Variants in SLCO1B1 observed in about 807,000 individuals in gnomAD.
SLCO1B1 encodes the protein solute carrier organic anion transporter family member 1B1, also known as OATP-2.
A neutral mutation model predicts 70.1 loss-of-function variants in SLCO1B1; 81 were observed. The observed-to-expected ratio is 1.16, with a 90% confidence interval of 0.97 to 1.39. SLCO1B1 has a LOEUF of 1.39. Ranked by LOEUF, SLCO1B1 falls within the 40% of genes most tolerant of loss-of-function variation. The probability of loss-of-function intolerance (pLI) is 0.00; values close to 1 mark genes in which losing one functional copy is unlikely to be tolerated. For missense variants in SLCO1B1, 895 were observed against 799.6 expected (o/e 1.12, Z -1.44); for synonymous variants, 283 against 271.5 (o/e 1.04, Z -0.42).
At chr12:21,218,040 T>TG (rs1338353336) in intron 12 of SLCO1B1, among the ~76,000 whole-genome samples, 1 of 151,994 alleles carries the variant, frequency 6.6e-6, no homozygotes, top group Non-Finnish European at 1.5e-5. Context: ...AGGATTGAGG[T>TG]GGGGGGCTGT....
intron 10 of SLCO1B1, among the ~76,000 whole-genome samples, chr12:21,204,355 A>G (rs774134105): frequency 6.6e-6 from 1 of 151,990 alleles, no homozygotes; most frequent in Non-Finnish European, 1.5e-5. Context: ...CTGACTGCTA[A>G]AATATGTGTG....
chr12:21,154,929 CT>C (rs1940520756), intron 2 of SLCO1B1, among the ~76,000 whole-genome samples: 8 of 151,894 alleles, frequency 5.3e-5, no homozygotes. Flanking sequence ...ATTTCTTTGT[CT>C]TTTGTGTACC....
chr12:21,180,890 T>C (rs1279340397), intron 7 of SLCO1B1, among the ~76,000 whole-genome samples: 7 of 152,212 alleles, frequency 4.6e-5, no homozygotes, highest in Non-Finnish European at 8.8e-5. Flanking sequence ...TTCATCACCA[T>C]ACAATTTCTA....
intron 4 of SLCO1B1, among the ~76,000 whole-genome samples, chr12:21,176,058 G>A (rs868692936): frequency 7.2e-5 from 11 of 151,764 alleles, no homozygotes; most frequent in Non-Finnish European, 1.0e-4. Flanking sequence ...ATCTATTCCC[G>A]CAACCTCCAA....
rs764617730 is a variant in SLCO1B1, at chr12:21,238,999, C to G, written c.1886C>G (p.Ser629Cys). ...TSFSRVYLGL[S>C]SMLRVSSLVL... ...TACAGAAGGGTCTACTTGGGCTTGT[C>G]TTCAATGTTAAGAGTCTCATCACTT... The change falls in exon 15 of 15, where the codon TCT becomes TGT. Residue 629 changes from serine to cysteine, a missense_variant. Coordinates refer to ENST00000256958, the MANE Select transcript of SLCO1B1 (RefSeq NM_006446.5). The G allele has an allele frequency of 6.3e-7, 1 of 1,577,130 alleles. No homozygotes were observed.
chr12:21,220,815 TAA>T (rs35163063), intron 12 of SLCO1B1, among the ~76,000 whole-genome samples: 11 of 121,520 alleles, frequency 9.1e-5, no homozygotes, highest in Non-Finnish European at 8.7e-5. Context: ...AAGACTGGTC[TAA>T]AAAAAAAAAA....
intron 2 of SLCO1B1, among the ~76,000 whole-genome samples, chr12:21,156,197 C>T (rs1480101318): frequency 6.6e-6 from 1 of 151,570 alleles, no homozygotes; most frequent in Non-Finnish European, 1.5e-5. Flanking sequence ...TAGAAGCTAC[C>T]CCCTCCCTTT....
chr12:21,153,625 G>A (rs1665057197), intron 2 of SLCO1B1, among the ~76,000 whole-genome samples: 1 of 151,986 alleles, frequency 6.6e-6, no homozygotes, highest in African/African-American at 2.4e-5. Flanking sequence ...GTGTTATTCA[G>A]ATCTTCTATG....
intron 14 of SLCO1B1, among the ~76,000 whole-genome samples, chr12:21,232,732 AG>A (rs796444689): frequency 3.2e-5 from 2 of 62,068 alleles, no homozygotes; most frequent in Admixed American, 2.8e-4. Context: ...AGAGACAGAG[AG>A]ACAGAGAAAG....
chr12:21,141,639 G>T lies in SLCO1B1; in HGVS notation c.65G>T (p.Arg22Ile). 2 of 1,605,372 alleles carry T rather than the reference G, an allele frequency of 1.2e-6. No individual in the cohort carries two copies. The highest frequency in any genetic ancestry group is 1.7e-6 in the Non-Finnish European group (2 of 1,173,286). ...EAQPSENKKTRYCNGLKMFLA... is the reference protein window; with the variant it reads ...EAQPSENKKTIYCNGLKMFLA... ...CAACCTTCAGAGAATAAGAAAACAA[G>T]ATACTGCAATGGATTGAAGGTAGAA... The change falls in exon 2 of 15, where the codon AGA (arginine) becomes ATA (isoleucine). Residue 22 changes from arginine (R) to isoleucine (I), a missense_variant. By Grantham distance (97) the Arg-to-Ile change is moderately conservative. Transcript: ENST00000256958.
At chr12:21,157,521 T>C (rs898293682) in intron 2 of SLCO1B1, among the ~76,000 whole-genome samples, 5 of 151,788 alleles carry the variant, frequency 3.3e-5, no homozygotes, top group African/African-American at 7.3e-5. Context: ...AACCAGAAAA[T>C]CTTCTAAGCA....
intron 1 of SLCO1B1, among the ~76,000 whole-genome samples, chr12:21,136,684 A>G (rs1101249): frequency 0.9 from 137,095 of 152,212 alleles, 62,039 homozygotes; most frequent in South Asian, 0.97. Flanking sequence ...AGCTCCATCA[A>G]GTCCTTTAAG....
At chr12:21,205,264 A>G (rs1941202490) in intron 10 of SLCO1B1, among the ~76,000 whole-genome samples, 1 of 151,980 alleles carries the variant, frequency 6.6e-6, no homozygotes, top group Non-Finnish European at 1.5e-5. Flanking sequence ...ACCATTTCAT[A>G]AAGGAAATCA....
chr12:21,213,921 C>A (rs1188375164), intron 11 of SLCO1B1, among the ~76,000 whole-genome samples: 2 of 149,540 alleles, frequency 1.3e-5, no homozygotes, highest in South Asian at 2.1e-4. Context: ...TCCATCAGCT[C>A]CTTTAAGCAC....
At chr12:21,172,859 T>C in intron 3 of SLCO1B1, 68 bp downstream of exon 3, 1 of 1,423,598 alleles carries the variant, frequency 7.0e-7, no homozygotes, top group Non-Finnish European at 9.7e-7. Flanking sequence ...TTTACACCAC[T>C]GGTTATCAAC....
At position 21,202,657 on chromosome 12, in the gene SLCO1B1, A is replaced by C; in HGVS notation, c.1302A>C (p.Ser434=). The C allele has an allele frequency of 1.9e-6, 3 of 1,612,646 alleles. No individual in the cohort carries two copies. The highest frequency in any genetic ancestry group is 2.5e-6 in the Non-Finnish European group (3 of 1,179,312). ...LYFFILCENK[S]VAGLTMTYDG... is the part of the protein sequence containing the mutation. ...TTTTCATACTCTGTGAAAACAAATC[A>C]GTTGCCGGACTAACCATGACCTATG... Residue 434 remains serine (S), a synonymous_variant, in exon 10 of 15, where the codon TCA becomes TCC. Coordinates refer to ENST00000256958, the MANE Select transcript of SLCO1B1 (RefSeq NM_006446.5).
rs541070865 is a variant in SLCO1B1 at position 21,222,121 on chromosome 12, T to C, written c.1683-179T>C. Among the ~76,000 whole-genome samples, 61 of 151,956 alleles carry C rather than the reference T, an allele frequency of 4.0e-4. 1 individual carries two copies. The South Asian group carries it at 0.011, about 28-fold the overall frequency. On this transcript the variant is annotated intron_variant, in intron 12 of 14. Transcript: ENST00000256958. ...CATTGAATAAATAAGGGAATAATTA[T>C]TATTATTGCTCAAGTGTTTGCCTTT...
In SLCO1B1 at chr12:21,131,542, T is replaced by G. The variant is rs369326281; in HGVS notation, c.-62+306T>G. The stretch of plus-strand genomic sequence containing the variant: ...TCAAGTCTCAAAAATGAAGCTCTAG[T>G]TACCTTCTTAAAATATGCTACAGGA... On this transcript the variant is annotated intron_variant, in intron 1 of 14. Transcript: ENST00000256958. Among the ~76,000 whole-genome samples the G allele has an allele frequency of 8.8e-4, 134 of 152,218 alleles. 3 individuals are homozygous for G. In the South Asian group the frequency reaches 0.027, roughly 31 times the overall value.
At chr12:21,141,035 C>T (rs35685797) in intron 1 of SLCO1B1, among the ~76,000 whole-genome samples, 7,193 of 151,816 alleles carry the variant, frequency 0.047, 193 homozygotes, top group Admixed American at 0.081. Flanking sequence ...CCAGTGGTGT[C>T]TCCTTTATAA....
Sources: gnomAD v4.1 joint callset for allele counts (sites outside exome capture counted in the v4.1 genomes callset) on GRCh38, gnomAD v4.1.1 for gene constraint, MANE v1.5 for transcripts, NCBI Gene and HGNC (gene_info 2026-07-23, HGNC 2026-07-21) for gene names.